TMEM62: variants seen among roughly 807,000 people sequenced by gnomAD.
TMEM62 encodes the protein transmembrane protein 62.
A neutral mutation model predicts 70.4 loss-of-function variants in TMEM62; 41 were observed. The observed-to-expected ratio is 0.58, with a 90% CI of 0.45 to 0.76. The LOEUF is 0.76. TMEM62 is among the 30% of genes least tolerant of loss of function. The pLI, the probability that TMEM62 is intolerant of heterozygous loss-of-function variation, is 0.00. For missense variants in TMEM62, 688 were observed against 788.5 expected (o/e 0.87, Z 1.53); for synonymous variants, 268 against 291.0 (o/e 0.92, Z 0.80).
rs776487558 is a variant in TMEM62, at chr15:43,184,359, T to C, written c.1705T>C (p.Tyr569His). Reference sequence around the variant, plus strand: ...CAGGTCTCATCTCCATCAAAGAAAATACTTGAAAATTATGCCTGTTCACCT... The same window carrying C: ...CAGGTCTCATCTCCATCAAAGAAAACACTTGAAAATTATGCCTGTTCACCT... ...NFRSHLHQRKYLKIMPVHLLM... is the reference protein window; with the variant it reads ...NFRSHLHQRKHLKIMPVHLLM... The change falls in exon 14 of 14, where the codon TAC becomes CAC. Residue 569 changes from tyrosine to histidine, a missense_variant. Coordinates refer to ENST00000260403, the MANE Select transcript of TMEM62 (RefSeq NM_024956.4). 1 of 1,614,142 alleles carries C rather than the reference T, an allele frequency of 6.2e-7. No homozygotes were observed. Among genetic ancestry groups the C allele is most frequent in the East Asian group, 2.2e-5 (1 of 44,884 alleles).
chr15:43,140,079 T>TG (rs1426313118), intron 4 of TMEM62, among the ~76,000 whole-genome samples: 1 of 152,136 alleles, frequency 6.6e-6, no homozygotes, highest in Non-Finnish European at 1.5e-5. Flanking sequence ...CTGATTTTTT[T>TG]TTGTTGTTGT....
intron 11 of TMEM62, among the ~76,000 whole-genome samples, chr15:43,174,197 T>C (rs897160066): frequency 1.3e-5 from 2 of 152,148 alleles, no homozygotes; most frequent in Non-Finnish European, 1.5e-5. Flanking sequence ...CTAATTCTCT[T>C]CTGTTTCCCA....
intron 4 of TMEM62, among the ~76,000 whole-genome samples, chr15:43,140,178 G>A (rs191698433): frequency 6.6e-5 from 10 of 152,118 alleles, no homozygotes; most frequent in African/African-American, 2.2e-4. Context: ...GATTTTGCGC[G>A]CCAACCCCAG....
chr15:43,164,077 A>G (rs1033640762), intron 10 of TMEM62, among the ~76,000 whole-genome samples: 1 of 152,212 alleles, frequency 6.6e-6, no homozygotes, highest in African/African-American at 2.4e-5. Flanking sequence ...CTCCCAGTAC[A>G]ATGAAAGTGG....
intron 3 of TMEM62, among the ~76,000 whole-genome samples, chr15:43,136,368 G>A (rs1286004319): frequency 6.6e-6 from 1 of 152,146 alleles, no homozygotes; most frequent in Non-Finnish European, 1.5e-5. Flanking sequence ...AGAACTGTAA[G>A]TCACAAAGGA....
At position 43,184,489 on chromosome 15, in the gene TMEM62, C is replaced by T. The variant is rs759905022; in HGVS notation, c.1835C>T (p.Thr612Ile). Residue 612 changes from threonine to isoleucine, a missense_variant, in exon 14 of 14, where the codon ACA becomes ATA. Thr to Ile is a moderately conservative substitution (Grantham distance 89, BLOSUM62 -1). Transcript: ENST00000260403. ...FLFSPLRTWL[T>I]LLTPVLIRYV... ...TTCTCCCCTTTGCGGACCTGGTTGA[C>T]ACTGCTGACACCTGTTCTCATTCGT... 3.7e-5 allele frequency: 60 copies of T among 1,613,946 alleles called. No individual in the cohort carries two copies. The highest frequency in any genetic ancestry group is 4.8e-5 in the Non-Finnish European group (57 of 1,180,046).
rs538100245 is a variant in TMEM62, at chr15:43,148,776, T to C, written c.640T>C (p.Leu214=). The C allele has an allele frequency of 1.3e-5, 21 of 1,614,096 alleles. No individual in the cohort carries two copies. The South Asian group carries it at 2.1e-4, about 16-fold the overall frequency. Residue 214 remains leucine, a synonymous_variant, in exon 6 of 14, where the codon TTA becomes CTA. Coordinates refer to ENST00000260403, the MANE Select transcript of TMEM62 (RefSeq NM_024956.4). ...LDKKKMEELL[L]LAKESSRSNH... ...TCAGAAAAAGATGGAGGAGCTCTTA[T>C]TACTGGCCAAGGAAAGCAGTCGGAG...
chr15:43,141,078 C>G (rs762498760), intron 4 of TMEM62, among the ~76,000 whole-genome samples: 2 of 152,246 alleles, frequency 1.3e-5, no homozygotes, highest in Non-Finnish European at 2.9e-5. Context: ...TACTACAGGA[C>G]CTCCGTGAGC....
chr15:43,139,768 G>A (rs2035738531), intron 4 of TMEM62, among the ~76,000 whole-genome samples: 2 of 152,202 alleles, frequency 1.3e-5, no homozygotes, highest in South Asian at 4.1e-4. Context: ...TAAGGAAGCA[G>A]CAGAAGAAAA....
chr15:43,169,557 T>G (rs1205166519), intron 10 of TMEM62, 36 bp from the exon 11 acceptor site: 2 of 1,556,696 alleles, frequency 1.3e-6, no homozygotes, highest in Non-Finnish European at 1.8e-6. Flanking sequence ...AGTGTACCCA[T>G]GTATCTATTT....
intron 12 of TMEM62, among the ~76,000 whole-genome samples, chr15:43,180,263 C>A (rs893114052): frequency 6.6e-5 from 10 of 152,184 alleles, no homozygotes; most frequent in Non-Finnish European, 1.2e-4. Context: ...GCTGGCATTA[C>A]AGGCATGTGC....
At position 43,138,551 on chromosome 15, in the gene TMEM62, CTT is replaced by C. The variant is rs376908713; in HGVS notation, c.431-9_431-8del. ...TTTTTTTAATGTGGATGAATGTTTG[CTT>C]TTTTTTTTTTTTTAAATTAGATGCA... On this transcript the variant is annotated intron_variant, in intron 3 of 13. Coordinates refer to ENST00000260403, the MANE Select transcript of TMEM62 (RefSeq NM_024956.4). The C allele has an allele frequency of 7.5e-3, 9,489 of 1,263,890 alleles. No homozygotes were observed. Among genetic ancestry groups the C allele is most frequent in the South Asian group, 9.1e-3 (671 of 73,866 alleles). 78.3% of individuals were successfully genotyped at this position (1,263,890 alleles called of 1,614,324 possible).
rs767207961 is a variant in TMEM62 at position 43,162,301 on chromosome 15, C to CT, written c.1296+1523dup. ...TACAGGTGTCCCCGACCACGTCCAG[C>CT]TTTTTTTTTTTTTTTTCAGTAGAGT... On this transcript the variant is annotated intron_variant, in intron 10 of 13. Coordinates refer to ENST00000260403, the MANE Select transcript of TMEM62 (RefSeq NM_024956.4). Among the ~76,000 whole-genome samples, 901 of 134,996 alleles carry CT rather than the reference C, an allele frequency of 6.7e-3. 5 individuals are homozygous for CT. Among genetic ancestry groups the CT allele is most frequent in the African/African-American group, 0.018 (672 of 36,646 alleles). 88.6% of individuals were successfully genotyped at this position (134,996 alleles called of 152,430 possible).
At chr15:43,175,447 TC>T (rs1452281018) in intron 11 of TMEM62, among the ~76,000 whole-genome samples, 2 of 152,210 alleles carry the variant, frequency 1.3e-5, no homozygotes, top group Admixed American at 6.5e-5. Context: ...ATACTGAACT[TC>T]CTTTCATAGT....
intron 10 of TMEM62, among the ~76,000 whole-genome samples, chr15:43,165,532 G>A (rs1034517462): frequency 6.6e-6 from 1 of 152,012 alleles, no homozygotes; most frequent in African/African-American, 2.4e-5. Flanking sequence ...GGGAGATAGA[G>A]AACATCCTGG....
chr15:43,154,977 C>A, intron 9 of TMEM62, 146 bp downstream of exon 9: 3 of 724,128 alleles, frequency 4.1e-6, no homozygotes, highest in Non-Finnish European at 6.4e-6. Context: ...CCTGTAATCC[C>A]AGCACTTTGG....
At chr15:43,136,232 A>G (rs1266345127) in intron 3 of TMEM62, among the ~76,000 whole-genome samples, 1 of 152,164 alleles carries the variant, frequency 6.6e-6, no homozygotes, top group African/African-American at 2.4e-5. Context: ...TTACCAGAGG[A>G]TAGGGATTGG....
chr15:43,175,374 T>G (rs2040615059), intron 11 of TMEM62, among the ~76,000 whole-genome samples: 2 of 152,246 alleles, frequency 1.3e-5, no homozygotes, highest in Admixed American at 1.3e-4. Flanking sequence ...TTAACTTACA[T>G]CAGACTGTCT....
chr15:43,153,725 A>G (rs1234547589), intron 8 of TMEM62, among the ~76,000 whole-genome samples: 1 of 151,850 alleles, frequency 6.6e-6, no homozygotes, highest in Non-Finnish European at 1.5e-5. Context: ...CACACATACC[A>G]CATTTTGTTT....
Sources: gnomAD v4.1 joint callset for allele counts (sites outside exome capture counted in the v4.1 genomes callset) on GRCh38, gnomAD v4.1.1 for gene constraint, MANE v1.5 for transcripts, NCBI Gene and HGNC (gene_info 2026-07-23, HGNC 2026-07-21) for gene names.